Variants in HCFC2 observed in about 807,000 individuals in gnomAD.
HCFC2 encodes host cell factor 2.
HCFC2 carries 18 observed loss-of-function variants against 89.2 expected under a neutral mutation model. That is an observed-to-expected ratio of 0.20 (90% CI 0.14 to 0.30). HCFC2 has a LOEUF of 0.30. Among genes scored for constraint, HCFC2 ranks in the 10% least tolerant of loss-of-function variants. The probability of loss-of-function intolerance (pLI) is 1.00; values close to 1 mark genes in which losing one functional copy is unlikely to be tolerated. For missense variants in HCFC2, 578 were observed against 956.1 expected (o/e 0.60, Z 5.21); for synonymous variants, 308 against 335.7 (o/e 0.92, Z 0.90).
At chr12:104,089,379 G>C (rs914941642) in intron 9 of HCFC2, among the ~76,000 whole-genome samples, 2 of 152,100 alleles carry the variant, frequency 1.3e-5, no homozygotes, top group Non-Finnish European at 2.9e-5. Context: ...AGCCGGGCAT[G>C]GTGGCGGGTG....
At position 104,064,866 on chromosome 12, in the gene HCFC2, G is replaced by A. The variant is rs546133096; in HGVS notation, c.163+143G>A. On this transcript the variant is annotated intron_variant, in intron 1 of 14. Coordinates refer to ENST00000229330, the MANE Select transcript of HCFC2 (RefSeq NM_013320.3). The surrounding 1 kb of genome is among the most constrained non-coding windows in gnomAD (Gnocchi z 7.3). ...GGCGGCGGGGAGCGCGGCTCAGCCG[G>A]GCAGCCCGGGTCCGGCAGCTCTGTC... The A allele has an allele frequency of 3.2e-5, 22 of 680,778 alleles. No homozygotes were observed. The South Asian group carries it at 5.8e-4, about 18-fold the overall frequency. The allele number at this position is 680,778 out of a possible 1,614,324, so 42.2% of individuals were successfully genotyped here.
intron 7 of HCFC2, among the ~76,000 whole-genome samples, chr12:104,085,975 A>T (rs1593602762): frequency 6.9e-6 from 1 of 144,220 alleles, no homozygotes. Flanking sequence ...GAAGTTAAGG[A>T]TTTATCTCTT....
At chr12:104,084,280 A>T (rs1883767726) in intron 7 of HCFC2, among the ~76,000 whole-genome samples, 1 of 152,216 alleles carries the variant, frequency 6.6e-6, no homozygotes, top group Non-Finnish European at 1.5e-5. Flanking sequence ...TAATCATATG[A>T]ATACATGAGA....
At chr12:104,084,155 A>T (rs1453527503) in intron 7 of HCFC2, among the ~76,000 whole-genome samples, 4 of 152,264 alleles carry the variant, frequency 2.6e-5, no homozygotes, top group African/African-American at 9.6e-5. Flanking sequence ...TATAGCAGCG[A>T]ACAAGACTGA....
rs1425407139 is a variant in HCFC2 at position 104,104,915 on chromosome 12, T to C, written c.*1642T>C. Reference sequence around the variant, plus strand: ...TCTTTAAATGTGTACTTTACAATGTTTACAAGGAGCTTCTCTGGTTTGTTA... The same window carrying C: ...TCTTTAAATGTGTACTTTACAATGTCTACAAGGAGCTTCTCTGGTTTGTTA... On this transcript the variant is annotated 3_prime_UTR_variant, in exon 15 of 15. Coordinates refer to ENST00000229330, the MANE Select transcript of HCFC2 (RefSeq NM_013320.3). The C allele has an allele frequency of 6.6e-6, 1 of 152,082 alleles. No individual in the cohort carries two copies. The highest frequency in any genetic ancestry group is 1.5e-5 in the Non-Finnish European group (1 of 67,922). 9.4% of individuals were successfully genotyped at this position (152,082 alleles called of 1,614,324 possible).
chr12:104,103,229 G>A lies in HCFC2; in HGVS notation c.2335G>A (p.Val779Ile). 1 of 1,613,850 alleles carries A rather than the reference G, an allele frequency of 6.2e-7. No individual in the cohort carries two copies. The highest frequency in any genetic ancestry group is 8.5e-7 in the Non-Finnish European group (1 of 1,179,760). ...NEKGYGPATQVRWLQGNNKKA... is the reference protein window; with the variant it reads ...NEKGYGPATQIRWLQGNNKKA... ...AAAGGGATATGGACCAGCTACACAA[G>A]TTCGGTGGCTTCAAGGTAACAATAA... is the stretch of plus-strand genomic sequence containing the variant. The change falls in exon 15 of 15, where the codon GTT becomes ATT. Residue 779 changes from valine to isoleucine, a missense_variant. Physicochemically the swap from Val to Ile is conservative, Grantham distance 29 (BLOSUM62 3). This residue lies in a region of HCFC2 where 140 missense variants were observed against 266.4 expected (regional missense o/e 0.53). Coordinates refer to ENST00000229330, the MANE Select transcript of HCFC2 (RefSeq NM_013320.3).
intron 3 of HCFC2, among the ~76,000 whole-genome samples, chr12:104,073,864 C>CT (rs918552941): frequency 6.6e-6 from 1 of 152,086 alleles, no homozygotes; most frequent in Non-Finnish European, 1.5e-5. Flanking sequence ...GGCCTGCTGT[C>CT]TTTTTTTATT....
intron 5 of HCFC2, among the ~76,000 whole-genome samples, chr12:104,081,906 A>G (rs1283594837): frequency 9.3e-6 from 1 of 107,052 alleles, no homozygotes; most frequent in Non-Finnish European, 2.2e-5. Flanking sequence ...TCCTGTCTCA[A>G]AAAAAAAAAA....
chr12:104,070,946 A>G (rs1297438950), intron 3 of HCFC2, among the ~76,000 whole-genome samples: 1 of 151,914 alleles, frequency 6.6e-6, no homozygotes, highest in Admixed American at 6.6e-5. Context: ...CTGGGACTAC[A>G]GGCGTCTGCC....
chr12:104,099,628 A>C (rs955428870), intron 13 of HCFC2, among the ~76,000 whole-genome samples: 3 of 152,032 alleles, frequency 2.0e-5, no homozygotes, highest in Admixed American at 2.0e-4. Context: ...AAAAAAAAAA[A>C]AAAACTTATA....
intron 13 of HCFC2, among the ~76,000 whole-genome samples, chr12:104,099,576 C>G (rs1052672542): frequency 6.6e-6 from 1 of 151,222 alleles, no homozygotes; most frequent in African/African-American, 2.4e-5. Flanking sequence ...ATAGCCACTA[C>G]ATTCCAAACT....
chr12:104,069,279 C>T (rs186025492), intron 3 of HCFC2, among the ~76,000 whole-genome samples: 5 of 152,266 alleles, frequency 3.3e-5, no homozygotes, highest in Non-Finnish European at 7.4e-5. Flanking sequence ...GCACTCCAGC[C>T]TGGGTGACAG....
chr12:104,084,723 T>G (rs1242663597), intron 7 of HCFC2, among the ~76,000 whole-genome samples: 1 of 152,188 alleles, frequency 6.6e-6, no homozygotes, highest in Non-Finnish European at 1.5e-5. Context: ...GCAAGACAAG[T>G]TAGAAATCTC....
chr12:104,098,345 A>G lies in HCFC2; in HGVS notation c.1743A>G (p.Lys581=), dbSNP rs772522537. Reference sequence around the variant, plus strand: ...AATTTTTTTTTCTCTGAAATTAGAAAGAGACTCCTTCAAATCCAGTGGCCA... The same window carrying G: ...AATTTTTTTTTCTCTGAAATTAGAAGGAGACTCCTTCAAATCCAGTGGCCA... ...ETHATATPFS[K]ETPSNPVATV... The change falls in exon 13 of 15, where the codon AAA becomes AAG. Residue 581 remains lysine, a splice_region_variant and synonymous_variant. Coordinates refer to ENST00000229330, the MANE Select transcript of HCFC2 (RefSeq NM_013320.3). The G allele has an allele frequency of 1.9e-6, 3 of 1,581,788 alleles. No individual in the cohort carries two copies. Among genetic ancestry groups the G allele is most frequent in the Admixed American group, 4.1e-5 (2 of 49,114 alleles).
At chr12:104,069,247 A>G (rs1038030340) in intron 3 of HCFC2, among the ~76,000 whole-genome samples, 1 of 152,182 alleles carries the variant, frequency 6.6e-6, no homozygotes, top group Non-Finnish European at 1.5e-5. Context: ...TGGAGGTTGC[A>G]GTGAGCCGAG....
chr12:104,088,030 C>T lies in HCFC2; in HGVS notation c.1276C>T (p.Pro426Ser), dbSNP rs1274931299. The T allele has an allele frequency of 6.2e-7, 1 of 1,603,560 alleles. No homozygotes were observed. Among genetic ancestry groups the T allele is most frequent in the Admixed American group, 1.7e-5 (1 of 59,104 alleles). The part of the protein sequence containing the change: ...PHRQGSNNIV[P>S]NSINDTINST... ...CAGACAAGGCAGTAATAACATCGTT[C>T]CTAACAGTGTAAGTAAAAAAGTGTA... The change falls in exon 9 of 15, where the codon CCT becomes TCT. Residue 426 changes from proline (P) to serine (S), a missense_variant. Around this residue, in one of 4 missense-constraint regions of HCFC2, gnomAD observed 210 missense variants for 251.7 expected, o/e 0.83. Transcript: ENST00000229330.
At position 104,086,858 on chromosome 12, in the gene HCFC2, G is replaced by T. The variant is rs201165064; in HGVS notation, c.1075G>T (p.Ala359Ser). The change falls in exon 8 of 15, where the codon GCA (alanine) becomes TCA (serine). Residue 359 changes from alanine (A) to serine (S), a missense_variant. This residue lies in a region of HCFC2 where 210 missense variants were observed against 251.7 expected (regional missense o/e 0.83). Coordinates refer to ENST00000229330, the MANE Select transcript of HCFC2 (RefSeq NM_013320.3). ...TGATTGTTCTATAGAGAAACCACCG[G>T]CACCATCTCAAGTACAGCTGATCAA... ...LWYLDTEKPP[A>S]PSQVQLIKAT... is the part of the protein sequence containing the mutation. 3.1e-6 allele frequency: 5 copies of T among 1,613,326 alleles called. No homozygotes were observed. Among genetic ancestry groups the T allele is most frequent in the Non-Finnish European group, 4.2e-6 (5 of 1,179,524 alleles).
At position 104,064,542 on chromosome 12, in the gene HCFC2, AG is replaced by A. The variant is rs1566221109; in HGVS notation, c.-15del. 6.8e-7 allele frequency: 1 copy of A among 1,479,342 alleles called. No homozygotes were observed. Among genetic ancestry groups the A allele is most frequent in the Admixed American group, 2.4e-5 (1 of 41,506 alleles). 91.6% of individuals were successfully genotyped at this position (1,479,342 alleles called of 1,614,324 possible). A position where few individuals can be genotyped will look rare whatever the true frequency, so the allele number is the denominator to read the frequency against. ...GGCGGGAGCGGTGCATTGTGGGCAG[AG>A]GGGCGGGGGTTGGGAAGATGGCGGC... On this transcript the variant is annotated 5_prime_UTR_variant, in exon 1 of 15. Coordinates refer to ENST00000229330, the MANE Select transcript of HCFC2 (RefSeq NM_013320.3). The surrounding 1 kb of genome is among the most constrained non-coding windows in gnomAD (Gnocchi z 7.3).
At chr12:104,088,678 A>G (rs1445393793) in intron 9 of HCFC2, among the ~76,000 whole-genome samples, 1 of 152,198 alleles carries the variant, frequency 6.6e-6, no homozygotes, top group Non-Finnish European at 1.5e-5. Flanking sequence ...AGTATGACTG[A>G]AGACCAGTAA....
Sources: allele counts gnomAD v4.1 joint callset (sites outside exome capture counted in the v4.1 genomes callset), GRCh38; gene constraint gnomAD v4.1.1; regional missense constraint gnomAD v4.1.1; non-coding constraint Gnocchi (gnomAD v3.1); transcripts MANE v1.5; gene names NCBI Gene and HGNC (gene_info 2026-07-23, HGNC 2026-07-21).